Variants in KATNB1 observed in about 807,000 individuals in gnomAD.
The protein encoded by KATNB1 is katanin regulatory subunit B1.
Under a neutral mutation model 82.3 loss-of-function variants are expected in KATNB1, and 38 were observed. The ratio of observed to expected loss-of-function variants is 0.46; its 90% CI spans 0.36 to 0.61. KATNB1 has a LOEUF of 0.61. Among genes scored for constraint, KATNB1 ranks in the 20% least tolerant of loss-of-function variants. KATNB1 has a pLI of 0.00. For synonymous variants in KATNB1, 361 were observed against 368.7 expected, an observed-to-expected ratio of 0.98 and a Z score of 0.24; for missense variants, 749 against 915.7, an observed-to-expected ratio of 0.82 and a Z score of 2.35.
chr16:57,739,104 C>T (rs369922390), intron 2 of KATNB1, among the ~76,000 whole-genome samples: 5 of 152,144 alleles, frequency 3.3e-5, no homozygotes, highest in African/African-American at 4.8e-5. Context: ...TGGGGCCGCA[C>T]GGACCTACTG....
At position 57,754,185 on chromosome 16, in the gene KATNB1, C is replaced by T. The variant is rs572295360; in HGVS notation, c.1228+190C>T. On this transcript the variant is annotated intron_variant, in intron 13 of 19. Transcript: ENST00000379661. ...AGGTCCCTGCAAGACCGATAGTGCC[C>T]CCGTAGGAGCCTGTGCCCTGGTGTG... 5.3e-5 allele frequency among the ~76,000 whole-genome samples: 8 copies of T among 152,256 alleles called. No individual in the cohort carries two copies. In the South Asian group the frequency reaches 1.7e-3, roughly 32 times the overall value.
At chr16:57,736,405 C>A (rs2049100162) in intron 1 of KATNB1, among the ~76,000 whole-genome samples, 1 of 152,050 alleles carries the variant, frequency 6.6e-6, no homozygotes, top group African/African-American at 2.4e-5. Flanking sequence ...ATGAGGAGGC[C>A]TTTTAGAGTT....
At chr16:57,748,353 T>A (rs1343997385) in intron 4 of KATNB1, among the ~76,000 whole-genome samples, 1 of 151,844 alleles carries the variant, frequency 6.6e-6, no homozygotes, top group Non-Finnish European at 1.5e-5. Flanking sequence ...TCTGCGGGCA[T>A]GGTGGCTCAC....
In KATNB1 at chr16:57,756,886, G is replaced by C; in HGVS notation, c.1908G>C (p.Leu636=). 6.4e-7 allele frequency: 1 copy of C among 1,555,474 alleles called. No homozygotes were observed. Among genetic ancestry groups the C allele is most frequent in the Non-Finnish European group, 8.7e-7 (1 of 1,149,432 alleles). The stretch of plus-strand genomic sequence containing the variant: ...GCCTGGTCAAGAGCAAGTCAGGCCT[G>C]AGCGGCCGCCATGGCAGTACCTTCC... The part of the protein sequence containing the change: ...ISGLVKSKSG[L]SGRHGSTFRE... The change falls in exon 20 of 20, where the codon CTG becomes CTC. Residue 636 remains leucine (L), a synonymous_variant. Coordinates refer to ENST00000379661, the MANE Select transcript of KATNB1 (RefSeq NM_005886.3).
Position 57,749,724 on chromosome 16 carries a change from AGGCTGGGCCGCTCCT to A in KATNB1, c.290-1099_290-1085del, listed in dbSNP as rs1597827867. Among the ~76,000 whole-genome samples the A allele has an allele frequency of 4.6e-5, 7 of 152,370 alleles. No individual in the cohort carries two copies. In the East Asian group the frequency reaches 1.3e-3, roughly 29 times the overall value. ...CCTGAAACACACAAGGTTTGCCTCCAGGCTGGGCCGCTCCTGGCCATGGAGATGCCTGCAAAACCT... is the reference window on the plus strand; with the variant it reads ...CCTGAAACACACAAGGTTTGCCTCCAGGCCATGGAGATGCCTGCAAAACCT... On this transcript the variant is annotated intron_variant, in intron 4 of 19. Transcript: ENST00000379661.
At chr16:57,747,524 CAA>C (rs1355564190) in intron 4 of KATNB1, among the ~76,000 whole-genome samples, 3 of 152,208 alleles carry the variant, frequency 2.0e-5, no homozygotes, top group Non-Finnish European at 4.4e-5. Flanking sequence ...AGTTTAAGAA[CAA>C]AAGAGCCCCA....
rs782431692 is a variant in KATNB1 at position 57,744,473 on chromosome 16, C to T, written c.251C>T (p.Ser84Leu). The change falls in exon 4 of 20, where the codon TCG becomes TTG. Residue 84 changes from serine to leucine, a missense_variant. Transcript: ENST00000379661. ...GAGCTCATCGTGGCCGGCTCTCAGT[C>T]GGGCTCCATCCGTGTCTGGGACCTG... ...PEELIVAGSQ[S>L]GSIRVWDLEA... 42 of 1,613,968 alleles carry T rather than the reference C, an allele frequency of 2.6e-5. No homozygotes were observed. The highest frequency in any genetic ancestry group is 1.6e-4 in the Middle Eastern group (1 of 6,084).
At position 57,753,217 on chromosome 16, in the gene KATNB1, C is replaced by T. The variant is rs557789751; in HGVS notation, c.996C>T (p.Pro332=). 44 of 1,607,322 alleles carry T rather than the reference C, an allele frequency of 2.7e-5. No individual in the cohort carries two copies. In the Admixed American group the frequency reaches 6.7e-4, roughly 24 times the overall value. The stretch of plus-strand genomic sequence containing the variant: ...AGCCACTGCCCAACCCCAGCGCCCC[C>T]CTCCGGCGCATCTATGAGCGGCCCA... ...LAQPLPNPSA[P]LRRIYERPST... Residue 332 remains proline, a synonymous_variant, in exon 11 of 20, where the codon CCC becomes CCT. Transcript: ENST00000379661.
intron 3 of KATNB1, 135 bp downstream of exon 3, chr16:57,741,952 CAG>C (rs2049147213): frequency 4.6e-6 from 5 of 1,090,396 alleles, no homozygotes; most frequent in Admixed American, 2.1e-5. Flanking sequence ...GGGCCCAGCT[CAG>C]GGGTGGAGGG....
intron 13 of KATNB1, 147 bp downstream of exon 13, chr16:57,754,142 C>G (rs1346871456): frequency 7.2e-6 from 5 of 699,092 alleles, no homozygotes; most frequent in Non-Finnish European, 1.3e-5. Context: ...GGTCTCTGCC[C>G]TCTGCCTGTT....
chr16:57,749,558 T>C (rs527851022), intron 4 of KATNB1, among the ~76,000 whole-genome samples: 56 of 152,312 alleles, frequency 3.7e-4, no homozygotes, highest in Admixed American at 5.2e-4. Context: ...CTATTGCACC[T>C]TGGCTCAAAA....
chr16:57,744,297 A>G (rs2049166021), intron 3 of KATNB1, 97 bp from the exon 4 acceptor site: 1 of 1,083,684 alleles, frequency 9.2e-7, no homozygotes. Context: ...TGCCTTAGCC[A>G]TTTCTTGCTG....
intron 3 of KATNB1, among the ~76,000 whole-genome samples, chr16:57,743,648 G>A (rs1226764306): frequency 1.3e-5 from 2 of 152,172 alleles, no homozygotes; most frequent in East Asian, 1.9e-4. Flanking sequence ...GGCCCCAGCC[G>A]GCCTCACCCC....
intron 4 of KATNB1, among the ~76,000 whole-genome samples, 194 bp from the exon 5 acceptor site, chr16:57,750,633 A>G (rs75748246): frequency 6.6e-6 from 1 of 152,224 alleles, no homozygotes; most frequent in Non-Finnish European, 1.5e-5. Flanking sequence ...TTCAAAAAAA[A>G]GGAAGAAAAG....
At chr16:57,749,983 C>T (rs76755616) in intron 4 of KATNB1, among the ~76,000 whole-genome samples, 6,448 of 152,288 alleles carry the variant, frequency 0.042, 272 homozygotes, top group East Asian at 0.14. Context: ...TCCACTTGCC[C>T]TTCTTAGGGC....
chr16:57,744,637 C>T (rs149601790), intron 4 of KATNB1, 126 bp downstream of exon 4: 681 of 798,446 alleles, frequency 8.5e-4, no homozygotes, highest in African/African-American at 8.4e-3. Flanking sequence ...GAGCACTAAC[C>T]CGGCAGTGTG....
At chr16:57,742,118 G>C (rs1277383876) in intron 3 of KATNB1, among the ~76,000 whole-genome samples, 1 of 152,248 alleles carries the variant, frequency 6.6e-6, no homozygotes, top group Non-Finnish European at 1.5e-5. Flanking sequence ...TGCGTGAGAA[G>C]ATTAAAATAA....
intron 4 of KATNB1, among the ~76,000 whole-genome samples, chr16:57,747,141 C>G (rs1461861982): frequency 1.3e-5 from 2 of 152,206 alleles, no homozygotes; most frequent in East Asian, 3.8e-4. Context: ...TTCAGCCTCC[C>G]AAAGTGCTGG....
intron 3 of KATNB1, among the ~76,000 whole-genome samples, chr16:57,743,932 G>A (rs1474941443): frequency 6.6e-6 from 1 of 152,250 alleles, no homozygotes; most frequent in African/African-American, 2.4e-5. Flanking sequence ...AGGGGTTCTA[G>A]AGGGGCGAGA....
Sources: gnomAD v4.1 joint callset for allele counts (sites outside exome capture counted in the v4.1 genomes callset) on GRCh38, gnomAD v4.1.1 for gene constraint, MANE v1.5 for transcripts, NCBI Gene and HGNC (gene_info 2026-07-23, HGNC 2026-07-21) for gene names.